The following SHISA9 variants were observed in gnomAD, a reference collection of about 807,000 sequenced individuals.
SHISA9 encodes protein shisa-9.
SHISA9 carries 13 observed loss-of-function variants against 38.0 expected under a neutral mutation model. The observed-to-expected ratio is 0.34, with a 90% CI of 0.22 to 0.54. The LOEUF (loss-of-function observed/expected upper bound fraction) is 0.54, where lower values mean the gene tolerates loss of function less well. Ranked by LOEUF, SHISA9 falls within the 20% of genes least tolerant of loss-of-function variation. The pLI, the probability that SHISA9 is intolerant of heterozygous loss-of-function variation, is 0.91. For synonymous variants in SHISA9, 275 were observed against 242.0 expected, an observed-to-expected ratio of 1.14 and a Z score of -1.27; for missense variants, 538 against 575.8, an observed-to-expected ratio of 0.93 and a Z score of 0.67.
In SHISA9 at chr16:12,915,819, C is replaced by T. The variant is rs929752199; in HGVS notation, c.564-869C>T. Among the ~76,000 whole-genome samples the T allele has an allele frequency of 3.9e-5, 6 of 152,282 alleles. No individual in the cohort carries two copies. In the East Asian group the frequency reaches 7.7e-4, roughly 20 times the overall value. On this transcript the variant is annotated intron_variant, in intron 1 of 4. Transcript: ENST00000558583. ...AAAAACACTGTTTATGTAAAAGACA[C>T]ACACATATACAACAATACCTACAAA...
At chr16:13,141,927 T>C (rs1267139367) in intron 2 of SHISA9, among the ~76,000 whole-genome samples, 1 of 152,176 alleles carries the variant, frequency 6.6e-6, no homozygotes, top group Non-Finnish European at 1.5e-5. Context: ...TAACTGGACA[T>C]TGAGAACAAG....
At chr16:12,959,677 A>G (rs952838264) in intron 2 of SHISA9, among the ~76,000 whole-genome samples, 1 of 152,190 alleles carries the variant, frequency 6.6e-6, no homozygotes, top group Non-Finnish European at 1.5e-5. Context: ...TCCATTGTGT[A>G]GAAGGGGAAA....
chr16:13,204,935 G>A (rs563113069), intron 3 of SHISA9: 13 of 152,334 alleles, frequency 8.5e-5, no homozygotes, highest in African/African-American at 3.1e-4. Flanking sequence ...GGGTGTGATA[G>A]TTACCCTGAC....
the SHISA9 span, among the ~76,000 whole-genome samples, chr16:13,508,308 C>T: frequency 3.9e-5 from 6 of 152,154 alleles, no homozygotes; most frequent in Admixed American, 6.6e-5. Flanking sequence ...CTGCATAATG[C>T]ACCATCATTT....
At chr16:13,399,987 T>A in the SHISA9 span, among the ~76,000 whole-genome samples, 1 of 152,230 alleles carries the variant, frequency 6.6e-6, no homozygotes, top group East Asian at 1.9e-4. Context: ...TGCCAATGCT[T>A]TCAAGCGTAT....
rs534359198 is a variant in SHISA9, at chr16:13,239,349, C to A, written c.*3940C>A. On this transcript the variant is annotated 3_prime_UTR_variant, in exon 5 of 5. Transcript: ENST00000558583. ...TGATTTATAGTCCTTTGGGTATATA[C>A]CCAGTAATGGGATGGCTGGGTCAAA... is the stretch of plus-strand genomic sequence containing the variant. The A allele has an allele frequency of 6.6e-6, 1 of 150,914 alleles. No individual in the cohort carries two copies. The highest frequency in any genetic ancestry group is 2.4e-5 in the African/African-American group (1 of 41,008). 9.3% of individuals were successfully genotyped at this position (150,914 alleles called of 1,614,324 possible).
the SHISA9 span, among the ~76,000 whole-genome samples, chr16:13,301,703 G>A: frequency 6.6e-6 from 1 of 152,198 alleles, no homozygotes; most frequent in African/African-American, 2.4e-5. Context: ...TATGAGGTAT[G>A]TGGGTGTAAT....
chr16:13,057,178 A>G (rs1018798419), intron 2 of SHISA9, among the ~76,000 whole-genome samples: 1 of 152,208 alleles, frequency 6.6e-6, no homozygotes, highest in African/African-American at 2.4e-5. Context: ...TCAGAGGGCC[A>G]GTCCTCCAGC....
intron 4 of SHISA9, among the ~76,000 whole-genome samples, chr16:13,219,065 C>G (rs570043036): frequency 1.3e-5 from 2 of 152,208 alleles, no homozygotes; most frequent in South Asian, 4.2e-4. Context: ...GAGTTCAGTC[C>G]CCTTTGAAAA....
chr16:13,152,491 A>G (rs905422501), intron 2 of SHISA9, among the ~76,000 whole-genome samples: 2 of 152,236 alleles, frequency 1.3e-5, no homozygotes, highest in Admixed American at 6.5e-5. Flanking sequence ...CTAGAGAATC[A>G]CACTTTAGGA....
chr16:12,974,697 G>T (rs2072133530), intron 2 of SHISA9, among the ~76,000 whole-genome samples: 1 of 151,884 alleles, frequency 6.6e-6, no homozygotes, highest in East Asian at 1.9e-4. Flanking sequence ...TGACCAGGCT[G>T]GTCTTGAACT....
At chr16:13,335,509 G>A in the SHISA9 span, among the ~76,000 whole-genome samples, 1,601 of 152,296 alleles carry the variant, frequency 0.011, 18 homozygotes, top group African/African-American at 0.036. Context: ...AAAGGAATAT[G>A]CTGTCTTAGA....
At chr16:13,448,562 T>C in the SHISA9 span, among the ~76,000 whole-genome samples, 4 of 152,254 alleles carry the variant, frequency 2.6e-5, no homozygotes, top group South Asian at 4.1e-4. Context: ...CAGGAAGCCA[T>C]CTGTGGCCCT....
At chr16:13,557,270 T>A in the SHISA9 span, among the ~76,000 whole-genome samples, 1 of 152,228 alleles carries the variant, frequency 6.6e-6, no homozygotes, top group Non-Finnish European at 1.5e-5. Context: ...CCAAATTACA[T>A]ATAATCAAGT....
At chr16:12,972,069 G>GTGTC (rs1226169916) in intron 2 of SHISA9, among the ~76,000 whole-genome samples, 9 of 151,566 alleles carry the variant, frequency 5.9e-5, no homozygotes, top group African/African-American at 2.2e-4. Context: ...GTGTGTGTGT[G>GTGTC]TGTGTGTGTG....
chr16:13,019,542 G>T (rs2072797910), intron 2 of SHISA9, among the ~76,000 whole-genome samples: 1 of 151,846 alleles, frequency 6.6e-6, no homozygotes, highest in Non-Finnish European at 1.5e-5. Flanking sequence ...CTATTTTTAG[G>T]TGTACATTTA....
intron 2 of SHISA9, among the ~76,000 whole-genome samples, chr16:12,978,041 G>A (rs1302940888): frequency 1.3e-5 from 2 of 152,112 alleles, no homozygotes; most frequent in Non-Finnish European, 2.9e-5. Flanking sequence ...TAAAGATGGG[G>A]GAGAGGTAGG....
At chr16:13,355,525 A>G in the SHISA9 span, among the ~76,000 whole-genome samples, 7 of 152,130 alleles carry the variant, frequency 4.6e-5, no homozygotes, top group Non-Finnish European at 1.0e-4. Context: ...TAATTTAGTT[A>G]AAGTGTCTCA....
At chr16:13,338,474 C>A in the SHISA9 span, among the ~76,000 whole-genome samples, 2 of 152,094 alleles carry the variant, frequency 1.3e-5, no homozygotes, top group East Asian at 1.9e-4. Flanking sequence ...TGAGGCTGAG[C>A]AGATTGTACA....
Sources: allele counts gnomAD v4.1 joint callset (sites outside exome capture counted in the v4.1 genomes callset), GRCh38; gene constraint gnomAD v4.1.1; transcripts MANE v1.5; gene names NCBI Gene and HGNC (gene_info 2026-07-23, HGNC 2026-07-21).